The following PAM variants were observed in gnomAD, a reference collection of about 807,000 sequenced individuals.
PAM encodes the protein peptidyl-glycine alpha-amidating monooxygenase.
PAM carries 72 observed loss-of-function variants against 122.1 expected under a neutral mutation model. That is an observed-to-expected ratio of 0.59 (90% CI 0.49 to 0.72). The LOEUF is 0.72. PAM is among the 30% of genes least tolerant of loss of function. PAM has a pLI of 0.00. For synonymous variants in PAM, 389 were observed against 404.4 expected (o/e 0.96, Z 0.46); for missense variants, 1,106 against 1,183.7 (o/e 0.93, Z 0.96).
intron 4 of PAM, among the ~76,000 whole-genome samples, chr5:102,910,206 T>C (rs571431925): frequency 6.6e-6 from 1 of 151,990 alleles, no homozygotes; most frequent in African/African-American, 2.4e-5. Flanking sequence ...TTTGTGGCCC[T>C]GATTATAGTC....
chr5:102,976,399 C>T (rs1043606565), intron 15 of PAM, among the ~76,000 whole-genome samples: 4 of 150,410 alleles, frequency 2.7e-5, no homozygotes, highest in Admixed American at 2.6e-4. Flanking sequence ...CCTCAGGAAG[C>T]TTCCATTTTG....
At chr5:102,830,661 A>G (rs1775167390) in intron 1 of PAM, among the ~76,000 whole-genome samples, 1 of 152,206 alleles carries the variant, frequency 6.6e-6, no homozygotes, top group South Asian at 2.1e-4. Flanking sequence ...CATTTAAATC[A>G]TTTTAGCCAA....
At chr5:102,831,328 T>C (rs547661384) in intron 1 of PAM, among the ~76,000 whole-genome samples, 1 of 152,302 alleles carries the variant, frequency 6.6e-6, no homozygotes, top group East Asian at 1.9e-4. Flanking sequence ...AAAAATATCA[T>C]CCTTATTATT....
At chr5:102,941,833 C>CAAAAAAAAA (rs70990420) in intron 7 of PAM, among the ~76,000 whole-genome samples, 6 of 58,384 alleles carry the variant, frequency 1.0e-4, no homozygotes, top group African/African-American at 3.7e-4. Context: ...CCAGATGGTA[C>CAAAAAAAAA]AAAAAAAAAA....
intron 3 of PAM, among the ~76,000 whole-genome samples, chr5:102,869,056 A>T (rs761465834): frequency 6.6e-6 from 1 of 152,202 alleles, no homozygotes; most frequent in Non-Finnish European, 1.5e-5. Flanking sequence ...TGCAGTGCAT[A>T]TTTGCTGGTT....
intron 16 of PAM, among the ~76,000 whole-genome samples, chr5:102,996,284 C>T (rs1775670032): frequency 6.6e-6 from 1 of 152,162 alleles, no homozygotes; most frequent in Non-Finnish European, 1.5e-5. Flanking sequence ...AAAAGTGCTC[C>T]AGGCACTGTG....
At chr5:103,015,285 TGTTG>T (rs1562252830) in intron 21 of PAM, among the ~76,000 whole-genome samples, 1 of 152,204 alleles carries the variant, frequency 6.6e-6, no homozygotes, top group African/African-American at 2.4e-5. Context: ...AAACTTACTA[TGTTG>T]AAGCAAACAT....
chr5:102,987,313 A>G (rs753837004), intron 15 of PAM, among the ~76,000 whole-genome samples: 2 of 152,172 alleles, frequency 1.3e-5, no homozygotes, highest in Non-Finnish European at 2.9e-5. Flanking sequence ...TACCATATTC[A>G]TACTCATATG....
intron 5 of PAM, 90 bp downstream of exon 5, chr5:102,914,111 TAATA>T (rs1017831093): frequency 8.2e-6 from 6 of 728,286 alleles, no homozygotes; most frequent in African/African-American, 1.8e-5. Context: ...TACAACTAGT[TAATA>T]AATAGGCAGA....
chr5:102,823,260 T>C (rs1772569287), intron 1 of PAM, among the ~76,000 whole-genome samples: 1 of 152,188 alleles, frequency 6.6e-6, no homozygotes, highest in African/African-American at 2.4e-5. Context: ...CTGTCAAAAG[T>C]TGTTACAGAA....
At chr5:102,940,408 T>A (rs1235635099) in intron 7 of PAM, among the ~76,000 whole-genome samples, 1 of 149,890 alleles carries the variant, frequency 6.7e-6, no homozygotes, top group East Asian at 1.9e-4. Flanking sequence ...CAAAAGGAAA[T>A]TCAGATTAAC....
chr5:102,760,433 T>A (rs1318111042), intron 1 of PAM, among the ~76,000 whole-genome samples: 1 of 152,200 alleles, frequency 6.6e-6, no homozygotes, highest in African/African-American at 2.4e-5. Context: ...GCAAGTAGGA[T>A]AAAAATCTCA....
At chr5:102,924,265 C>T (rs1561902095) in intron 5 of PAM, among the ~76,000 whole-genome samples, 1 of 151,788 alleles carries the variant, frequency 6.6e-6, no homozygotes, top group Non-Finnish European at 1.5e-5. Context: ...AATCCCTTCT[C>T]TACTAAAAAT....
At chr5:102,820,212 G>T (rs113459099) in intron 1 of PAM, among the ~76,000 whole-genome samples, 3 of 149,822 alleles carry the variant, frequency 2.0e-5, no homozygotes, top group African/African-American at 5.1e-5. Flanking sequence ...TTTTTAGTGA[G>T]ATTGTTAGAG....
At chr5:102,766,925 G>GGTTTT (rs1561386850) in intron 1 of PAM, among the ~76,000 whole-genome samples, 1 of 36,574 alleles carries the variant, frequency 2.7e-5, no homozygotes, top group African/African-American at 1.3e-4. Context: ...TTCAGTTGTG[G>GGTTTT]ATTTTTTTTT....
intron 1 of PAM, among the ~76,000 whole-genome samples, chr5:102,823,262 G>C (rs1772570737): frequency 1.3e-5 from 2 of 152,130 alleles, no homozygotes; most frequent in Admixed American, 6.6e-5. Flanking sequence ...GTCAAAAGTT[G>C]TTACAGAATA....
At chr5:102,790,555 T>C (rs1761784794) in intron 1 of PAM, among the ~76,000 whole-genome samples, 3 of 152,034 alleles carry the variant, frequency 2.0e-5, no homozygotes, top group African/African-American at 2.4e-5. Flanking sequence ...AATAGTGTGG[T>C]ATTAGGTTAG....
rs527963126 is a variant in PAM, at chr5:102,805,064, C to CTT, written c.-374+49739_-374+49740dup. Among the ~76,000 whole-genome samples the CTT allele has an allele frequency of 7.2e-3, 747 of 103,622 alleles. 4 individuals are homozygous for CTT. Among genetic ancestry groups the CTT allele is most frequent in the African/African-American group, 0.012 (312 of 26,082 alleles). The allele number at this position is 103,622 out of a possible 152,430, so 68.0% of individuals were successfully genotyped here. A position where few individuals can be genotyped will look rare whatever the true frequency, so the allele number is the denominator to read the frequency against. On this transcript the variant is annotated intron_variant, in intron 1 of 25. Transcript: ENST00000438793. ...CTGTTTCTTATGAAAGGGAATTTTC[C>CTT]TTTTTTTTTTTTTTTTTTTTTTTTG...
intron 7 of PAM, among the ~76,000 whole-genome samples, chr5:102,930,456 G>T (rs1013560491): frequency 6.6e-6 from 1 of 152,168 alleles, no homozygotes; most frequent in African/African-American, 2.4e-5. Flanking sequence ...GGGAAGACAG[G>T]TTCCAGACAA....
Sources: allele counts gnomAD v4.1 joint callset (sites outside exome capture counted in the v4.1 genomes callset), GRCh38; gene constraint gnomAD v4.1.1; transcripts MANE v1.5; gene names NCBI Gene and HGNC (gene_info 2026-07-23, HGNC 2026-07-21).